The following LONP1 variants were observed in gnomAD, a reference collection of about 807,000 sequenced individuals.
LONP1 encodes lon protease homolog, mitochondrial.
Under a neutral mutation model 98.5 loss-of-function variants are expected in LONP1, and 31 were observed. The observed-to-expected ratio is 0.31, with a 90% CI of 0.24 to 0.42. The LOEUF is 0.42. Among genes scored for constraint, LONP1 ranks in the 20% least tolerant of loss-of-function variants. LONP1 has a pLI of 1.00. For missense variants in LONP1, 1,336 were observed against 1,350.6 expected, an observed-to-expected ratio of 0.99 and a Z score of 0.17; for synonymous variants, 781 against 594.7, an observed-to-expected ratio of 1.31 and a Z score of -4.56.
intron 8 of LONP1, among the ~76,000 whole-genome samples, chr19:5,701,924 G>A (rs902823575): frequency 1.3e-5 from 2 of 151,230 alleles, no homozygotes; most frequent in African/African-American, 4.9e-5. Flanking sequence ...GATATGAGGA[G>A]CGCCTCTGCC....
rs566512630 is a variant in LONP1, at chr19:5,692,009, C to A, written c.*23G>T. On this transcript the variant is annotated 3_prime_UTR_variant, in exon 18 of 18. Transcript: ENST00000360614. ...GGCCCAGACAGGGCCTGACATCCGC[C>A]GCCTGCAGTCCCGGGGTGGCCGTCA... The A allele has an allele frequency of 3.4e-4, 334 of 988,576 alleles. 6 individuals carry two copies. The South Asian group carries it at 4.6e-3, about 14-fold the overall frequency. The allele number at this position is 988,576 out of a possible 1,614,324, so 61.2% of individuals were successfully genotyped here.
intron 4 of LONP1, 85 bp from the exon 5 acceptor site, chr19:5,708,488 C>T (rs1394247193): frequency 1.6e-6 from 2 of 1,229,178 alleles, no homozygotes; most frequent in Non-Finnish European, 2.3e-6. Context: ...CTGGGAGCCC[C>T]ACCCACCAGC....
intron 7 of LONP1, 36 bp from the exon 8 acceptor site, chr19:5,706,028 C>T (rs773747864): frequency 1.4e-5 from 18 of 1,247,306 alleles, no homozygotes; most frequent in East Asian, 1.1e-4. Context: ...GCCCTGGCTC[C>T]GGGAAGCTGG....
In LONP1 at chr19:5,714,180, T is replaced by G. The variant is rs1175484910; in HGVS notation, c.518+3A>C. On this transcript the variant is annotated splice_donor_region_variant and intron_variant, in intron 2 of 17. Transcript: ENST00000360614. ...AAGGGAATGAAGGAAAAATCACACT[T>G]ACCTGTCATCTCTCTTTAGAAAGAC... The G allele has an allele frequency of 6.2e-7, 1 of 1,611,384 alleles. No homozygotes were observed. Among genetic ancestry groups the G allele is most frequent in the African/African-American group, 1.3e-5 (1 of 74,790 alleles).
At chr19:5,703,900 C>T (rs1316253657) in intron 8 of LONP1, among the ~76,000 whole-genome samples, 1 of 152,170 alleles carries the variant, frequency 6.6e-6, no homozygotes, top group Non-Finnish European at 1.5e-5. Flanking sequence ...AGGACAAGGC[C>T]CGGTCTGAGC....
chr19:5,708,091 C>T, intron 5 of LONP1: 1 of 608,700 alleles, frequency 1.6e-6, no homozygotes, highest in East Asian at 2.8e-5. Context: ...GCTCCCCACT[C>T]CCCCAGCCAA....
At chr19:5,708,579 T>C (rs879537944) in intron 4 of LONP1, 176 bp from the exon 5 acceptor site, 47 of 378,530 alleles carry the variant, frequency 1.2e-4, no homozygotes, top group Non-Finnish European at 2.3e-4. Context: ...CCTGGTGGAC[T>C]CACCAGTCCC....
Position 5,698,781 on chromosome 19 carries a change from G to A in LONP1, c.1685+246C>T, listed in dbSNP as rs373528918. Reference sequence around the variant, plus strand: ...CTACCGGGGGTGTCTGCTGAGGGCCGGCCCGAGAAGTCTCTCTCCCAGGGG... The same window carrying A: ...CTACCGGGGGTGTCTGCTGAGGGCCAGCCCGAGAAGTCTCTCTCCCAGGGG... On this transcript the variant is annotated intron_variant, in intron 10 of 17. Coordinates refer to ENST00000360614, the MANE Select transcript of LONP1 (RefSeq NM_004793.4). Among the ~76,000 whole-genome samples the A allele has an allele frequency of 1.8e-4, 27 of 152,320 alleles. No individual in the cohort carries two copies. In the South Asian group the frequency reaches 2.7e-3, roughly 15 times the overall value.
chr19:5,698,502 G>A (rs531003033), intron 10 of LONP1, among the ~76,000 whole-genome samples: 1 of 152,268 alleles, frequency 6.6e-6, no homozygotes, highest in East Asian at 1.9e-4. Flanking sequence ...GAGGGCCGTG[G>A]CCCCTGCTTC....
intron 11 of LONP1, 118 bp downstream of exon 11, chr19:5,696,552 C>A: frequency 7.7e-7 from 1 of 1,293,090 alleles, no homozygotes; most frequent in South Asian, 1.4e-5. Context: ...GCCATCAGGG[C>A]CAGCATCACG....
chr19:5,698,506 C>T (rs1298904515), intron 10 of LONP1, among the ~76,000 whole-genome samples: 1 of 152,224 alleles, frequency 6.6e-6, no homozygotes, highest in African/African-American at 2.4e-5. Context: ...GCCGTGGCCC[C>T]TGCTTCTGGG....
At chr19:5,694,638 C>CGGGTGCGGGGTGGTGGGGTGAT in intron 14 of LONP1, 86 bp from the exon 15 acceptor site, 1 of 1,522,926 alleles carries the variant, frequency 6.6e-7, no homozygotes, top group Non-Finnish European at 9.0e-7. Flanking sequence ...AAAGGTGTGA[C>CGGGTGCGGGGTGGTGGGGTGAT]GGGCGCGGGG....
At position 5,719,744 on chromosome 19, in the gene LONP1, G is replaced by A. The variant is rs527677472; in HGVS notation, c.389C>T (p.Thr130Ile). The A allele has an allele frequency of 3.5e-5, 57 of 1,613,880 alleles. 1 individual carries two copies. In the South Asian group the frequency reaches 5.6e-4, roughly 16 times the overall value. ...VFPHLPLIAI[T>I]RNPVFPRFIK... Reference sequence around the variant, plus strand: ...AAAGCGCGGGAACACCGGGTTGCGGGTGATGGCGATGAGCGGCAGGTGCGG... The same window carrying A: ...AAAGCGCGGGAACACCGGGTTGCGGATGATGGCGATGAGCGGCAGGTGCGG... Residue 130 changes from threonine to isoleucine, a missense_variant, in exon 1 of 18, where the codon ACC (threonine) becomes ATC (isoleucine). Transcript: ENST00000360614.
chr19:5,695,916 G>A (rs368063896), intron 13 of LONP1, 138 bp downstream of exon 13: 39 of 690,698 alleles, frequency 5.6e-5, no homozygotes, highest in Non-Finnish European at 7.9e-5. Flanking sequence ...TGTCTCTCAC[G>A]GCCCCATCTG....
At chr19:5,720,272 G>A (rs374654595), upstream of LONP1, 9 of 1,219,996 alleles carry the variant, frequency 7.4e-6, 1 homozygote, top group Middle Eastern at 3.0e-4. Context: ...CCTACGCGGA[G>A]AAGAGGGGGC....
intron 8 of LONP1, among the ~76,000 whole-genome samples, chr19:5,704,774 G>C (rs369916546): frequency 6.6e-6 from 1 of 152,250 alleles, no homozygotes; most frequent in African/African-American, 2.4e-5. Flanking sequence ...CTGCGGGAAG[G>C]CATGGTCACT....
chr19:5,700,588 C>A (rs2055022483), intron 9 of LONP1, among the ~76,000 whole-genome samples: 1 of 152,218 alleles, frequency 6.6e-6, no homozygotes, highest in South Asian at 2.1e-4. Context: ...GCCCGTCAGG[C>A]ATGACTTCAG....
At position 5,696,812 on chromosome 19, in the gene LONP1, G is replaced by A. The variant is rs73920045; in HGVS notation, c.1686-55C>T. 2,242 of 1,229,456 alleles carry A rather than the reference G, an allele frequency of 1.8e-3. 38 individuals carry two copies. The African/African-American group carries it at 0.028, about 15-fold the overall frequency. 76.2% of individuals were successfully genotyped at this position (1,229,456 alleles called of 1,614,324 possible). A position where few individuals can be genotyped will look rare whatever the true frequency, so the allele number is the denominator to read the frequency against. On this transcript the variant is annotated intron_variant, in intron 10 of 17. Coordinates refer to ENST00000360614, the MANE Select transcript of LONP1 (RefSeq NM_004793.4). ...CTTGGTAGCCTGGCTCGGCCACAACGACACCATGCACCCTCCAGGGCCACA... is the reference window on the plus strand; with the variant it reads ...CTTGGTAGCCTGGCTCGGCCACAACAACACCATGCACCCTCCAGGGCCACA...
At chr19:5,703,642 G>A (rs575182386) in intron 8 of LONP1, among the ~76,000 whole-genome samples, 111 of 151,660 alleles carry the variant, frequency 7.3e-4, no homozygotes, top group African/African-American at 2.4e-3. Flanking sequence ...GAGACGCACC[G>A]GGACAGGCCA....
Sources: allele counts gnomAD v4.1 joint callset (sites outside exome capture counted in the v4.1 genomes callset), GRCh38; gene constraint gnomAD v4.1.1; transcripts MANE v1.5; gene names NCBI Gene and HGNC (gene_info 2026-07-23, HGNC 2026-07-21).